The following SEMA5A variants were observed in gnomAD, a reference collection of about 807,000 sequenced individuals.
SEMA5A encodes semaphorin 5A.
SEMA5A carries 55 observed loss-of-function variants against 135.5 expected under a neutral mutation model. That is an observed-to-expected ratio of 0.41 (90% confidence interval 0.33 to 0.51). SEMA5A has a LOEUF of 0.51. Among genes scored for constraint, SEMA5A ranks in the 20% least tolerant of loss-of-function variants. The pLI, the probability that SEMA5A is intolerant of heterozygous loss-of-function variation, is 0.37. For synonymous variants in SEMA5A, 580 were observed against 546.5 expected (o/e 1.06, Z -0.85); for missense variants, 1,290 against 1,419.9 (o/e 0.91, Z 1.47).
At chr5:9,113,230 G>A (rs1207773350) in intron 15 of SEMA5A, among the ~76,000 whole-genome samples, 5 of 152,166 alleles carry the variant, frequency 3.3e-5, no homozygotes, top group Admixed American at 6.5e-5. Context: ...TTAACAGACC[G>A]TGGTACATGG....
chr5:9,290,208 A>G (rs1751011669), intron 5 of SEMA5A, among the ~76,000 whole-genome samples: 1 of 151,674 alleles, frequency 6.6e-6, no homozygotes, highest in Non-Finnish European at 1.5e-5. Context: ...ACCCCCTCCC[A>G]CCCTTTCCTC....
At chr5:9,447,903 T>C (rs1308232878) in intron 1 of SEMA5A, among the ~76,000 whole-genome samples, 1 of 152,196 alleles carries the variant, frequency 6.6e-6, no homozygotes, top group African/African-American at 2.4e-5. Context: ...GTTTCACTAA[T>C]ATGTAAAAGC....
chr5:9,374,408 G>A (rs1488290798), intron 3 of SEMA5A, among the ~76,000 whole-genome samples: 1 of 152,170 alleles, frequency 6.6e-6, no homozygotes, highest in Non-Finnish European at 1.5e-5. Flanking sequence ...TGCCTCCAGT[G>A]CATAATACTA....
chr5:9,283,268 A>G (rs1043257877), intron 5 of SEMA5A, among the ~76,000 whole-genome samples: 2 of 152,182 alleles, frequency 1.3e-5, no homozygotes, highest in Admixed American at 6.5e-5. Context: ...TTAGAAGCTC[A>G]TTGTCCTGAC....
At chr5:9,206,375 T>A (rs1054089031) in intron 8 of SEMA5A, among the ~76,000 whole-genome samples, 5 of 152,184 alleles carry the variant, frequency 3.3e-5, no homozygotes, top group Non-Finnish European at 7.3e-5. Flanking sequence ...AACTTTTATT[T>A]TGCATATTTA....
chr5:9,205,000 C>A lies in SEMA5A; in HGVS notation c.647-2760G>T, dbSNP rs1252293195. Among the ~76,000 whole-genome samples the A allele has an allele frequency of 6.6e-6, 1 of 152,118 alleles. No homozygotes were observed. The highest frequency in any genetic ancestry group is 1.5e-5 in the Non-Finnish European group (1 of 68,022). ...CATCCCCTCTATCCTCCCTGCCACCCCCAGTTTATGGAAGACTTATCTTCC... is the reference window on the plus strand; with the variant it reads ...CATCCCCTCTATCCTCCCTGCCACCACCAGTTTATGGAAGACTTATCTTCC... On this transcript the variant is annotated intron_variant, in intron 8 of 22. Coordinates refer to ENST00000382496, the MANE Select transcript of SEMA5A (RefSeq NM_003966.3). This position sits in a 1 kb window ranked among gnomAD's most constrained non-coding sequence, Gnocchi z 6.4.
Position 9,039,501 on chromosome 5 carries a change from C to T in SEMA5A, c.*3396G>A, listed in dbSNP as rs957658230. The T allele has an allele frequency of 6.6e-6, 1 of 152,246 alleles. No individual in the cohort carries two copies. Among genetic ancestry groups the T allele is most frequent in the Non-Finnish European group, 1.5e-5 (1 of 68,076 alleles). The allele number at this position is 152,246 out of a possible 1,614,324, so 9.4% of individuals were successfully genotyped here. ...TTCAATTCCTTTAGAACCTCAGCCCCACACATACATTTATTAAATGTTCTT... is the reference window on the plus strand; with the variant it reads ...TTCAATTCCTTTAGAACCTCAGCCCTACACATACATTTATTAAATGTTCTT... On this transcript the variant is annotated 3_prime_UTR_variant, in exon 23 of 23. Coordinates refer to ENST00000382496, the MANE Select transcript of SEMA5A (RefSeq NM_003966.3).
intron 11 of SEMA5A, among the ~76,000 whole-genome samples, chr5:9,161,260 G>A (rs970794291): frequency 6.6e-6 from 1 of 152,008 alleles, no homozygotes; most frequent in Admixed American, 6.6e-5. Flanking sequence ...CGGGAACTGG[G>A]GAAGCAGCAA....
intron 11 of SEMA5A, among the ~76,000 whole-genome samples, chr5:9,177,099 GAATT>G (rs992800596): frequency 6.6e-6 from 1 of 152,162 alleles, no homozygotes; most frequent in Non-Finnish European, 1.5e-5. Context: ...CAACACAACA[GAATT>G]AATCCCATAA....
intron 15 of SEMA5A, among the ~76,000 whole-genome samples, chr5:9,116,962 C>T (rs1410794747): frequency 6.6e-6 from 1 of 152,122 alleles, no homozygotes; most frequent in Non-Finnish European, 1.5e-5. Context: ...CCAGTAGCCC[C>T]CTAGAAAGAC....
intron 14 of SEMA5A, among the ~76,000 whole-genome samples, chr5:9,120,536 T>A (rs112545051): frequency 0.016 from 2,465 of 152,250 alleles, 33 homozygotes; most frequent in African/African-American, 0.041. Flanking sequence ...AGACAAATCT[T>A]CCCACATTTC....
chr5:9,217,860 T>C (rs1746720310), intron 8 of SEMA5A, among the ~76,000 whole-genome samples: 1 of 152,232 alleles, frequency 6.6e-6, no homozygotes, highest in Admixed American at 6.5e-5. Flanking sequence ...TTCTTTTTTA[T>C]ATGGGCTATT....
intron 16 of SEMA5A, among the ~76,000 whole-genome samples, chr5:9,086,021 T>C (rs1174110005): frequency 1.3e-5 from 2 of 152,214 alleles, no homozygotes; most frequent in Non-Finnish European, 1.5e-5. Flanking sequence ...TGGATTTGCA[T>C]AGGGCCTGTT....
chr5:9,099,977 C>T (rs1448497489), intron 16 of SEMA5A, among the ~76,000 whole-genome samples: 1 of 152,186 alleles, frequency 6.6e-6, no homozygotes, highest in Non-Finnish European at 1.5e-5. Context: ...GAAGAGAGAA[C>T]CTTTCCAGAA....
chr5:9,330,314 C>T (rs1466440431), intron 4 of SEMA5A, among the ~76,000 whole-genome samples: 3 of 150,854 alleles, frequency 2.0e-5, no homozygotes, highest in African/African-American at 7.3e-5. Context: ...GGCGTGAACC[C>T]GGGAGGCGGA....
intron 2 of SEMA5A, among the ~76,000 whole-genome samples, chr5:9,399,729 G>C (rs539332376): frequency 1.3e-5 from 2 of 152,140 alleles, no homozygotes; most frequent in African/African-American, 4.8e-5. Flanking sequence ...AAGAAGATTA[G>C]GGTGTGGCTG....
In SEMA5A at chr5:9,464,373, C is replaced by T. The variant is rs149745583; in HGVS notation, c.-174-26521G>A. ...TACTAAGAGTATGCATACATACACA[C>T]GTTTCCATCGGCTTAGAAAATTTCT... On this transcript the variant is annotated intron_variant, in intron 1 of 22. Transcript: ENST00000382496. Among the ~76,000 whole-genome samples, 820 of 152,254 alleles carry T rather than the reference C, an allele frequency of 5.4e-3. 11 individuals carry two copies. Among genetic ancestry groups the T allele is most frequent in the African/African-American group, 0.019 (771 of 41,546 alleles).
intron 1 of SEMA5A, among the ~76,000 whole-genome samples, chr5:9,483,638 C>T (rs1359480294): frequency 2.0e-5 from 3 of 152,172 alleles, no homozygotes; most frequent in African/African-American, 7.2e-5. Context: ...TCCCACAATA[C>T]GGATCCTGAG....
At chr5:9,227,116 A>C (rs935176676) in intron 6 of SEMA5A, 149 bp from the exon 7 acceptor site, 2 of 337,766 alleles carry the variant, frequency 5.9e-6, no homozygotes, top group Admixed American at 5.0e-5. Context: ...GTAAACCATT[A>C]AAACAACAAA....
Sources: allele counts gnomAD v4.1 joint callset (sites outside exome capture counted in the v4.1 genomes callset), GRCh38; gene constraint gnomAD v4.1.1; non-coding constraint Gnocchi (gnomAD v3.1); transcripts MANE v1.5; gene names NCBI Gene and HGNC (gene_info 2026-07-23, HGNC 2026-07-21).